The following GTF3C5 variants were observed in gnomAD, a reference collection of about 807,000 sequenced individuals.
GTF3C5 encodes the protein general transcription factor 3C polypeptide 5.
GTF3C5 carries 47 observed loss-of-function variants against 61.0 expected under a neutral mutation model. That is an observed-to-expected ratio of 0.77 (90% CI 0.61 to 0.98). GTF3C5 has a LOEUF of 0.98. GTF3C5 is among the 50% of genes least tolerant of loss of function. The pLI, the probability that GTF3C5 is intolerant of heterozygous loss-of-function variation, is 0.00. For synonymous variants in GTF3C5, 295 were observed against 275.4 expected (o/e 1.07, Z -0.71); for missense variants, 659 against 703.3 (o/e 0.94, Z 0.71).
At chr9:133,057,494 G>T (rs544741373) in intron 10 of GTF3C5, among the ~76,000 whole-genome samples, 1 of 152,324 alleles carries the variant, frequency 6.6e-6, no homozygotes, top group South Asian at 2.1e-4. Context: ...TCTTGGTCTT[G>T]CTTGGAACCC....
intron 10 of GTF3C5, 67 bp from the exon 11 acceptor site, chr9:133,057,747 G>C: frequency 6.9e-7 from 1 of 1,455,670 alleles, no homozygotes; most frequent in Non-Finnish European, 9.2e-7. Context: ...CCAGAGCCTG[G>C]TGGCCTTTCT....
At chr9:133,051,980 C>T (rs1850394600) in intron 4 of GTF3C5, 80 bp from the exon 5 acceptor site, 1 of 723,500 alleles carries the variant, frequency 1.4e-6, no homozygotes, top group Non-Finnish European at 2.3e-6. Context: ...GCCGCTGGGG[C>T]CCAGAACATG....
At chr9:133,033,563 A>G (rs909839235) in intron 1 of GTF3C5, among the ~76,000 whole-genome samples, 1 of 152,186 alleles carries the variant, frequency 6.6e-6, no homozygotes, top group African/African-American at 2.4e-5. Context: ...CAGAAGCTGG[A>G]TAGCCCTCAG....
chr9:133,033,581 C>A (rs1256056675), intron 1 of GTF3C5, among the ~76,000 whole-genome samples: 1 of 152,122 alleles, frequency 6.6e-6, no homozygotes, highest in East Asian at 1.9e-4. Context: ...CAGGGGCTGA[C>A]CCGCAGGGTG....
In GTF3C5 at chr9:133,056,782, C is replaced by T. The variant is rs1458349932; in HGVS notation, c.1267C>T (p.His423Tyr). The T allele has an allele frequency of 6.2e-7, 1 of 1,605,882 alleles. No individual in the cohort carries two copies. The highest frequency in any genetic ancestry group is 1.1e-5 in the South Asian group (1 of 89,910). The change falls in exon 10 of 11, where the codon CAC (histidine) becomes TAC (tyrosine). Residue 423 changes from histidine (H) to tyrosine (Y), a missense_variant. His to Tyr is a moderately conservative substitution (Grantham distance 83). Transcript: ENST00000372097. ...CACCCCCAGGTTGCAGAAGATCATT[C>T]ACCGCAATGACGGGGCAGAGAATTC... ...LNVEELQKII[H>Y]RNDGAENSCT...
At chr9:133,043,024 G>A (rs1191579221) in intron 2 of GTF3C5, among the ~76,000 whole-genome samples, 1 of 152,244 alleles carries the variant, frequency 6.6e-6, no homozygotes, top group Non-Finnish European at 1.5e-5. Flanking sequence ...ACAAGGCTTA[G>A]AGATGGCTAA....
chr9:133,052,251 A>G (rs567631689), intron 5 of GTF3C5, 87 bp downstream of exon 5: 1 of 702,284 alleles, frequency 1.4e-6, no homozygotes, highest in East Asian at 2.8e-5. Context: ...CCACAGTAAG[A>G]GCAGCCAACC....
chr9:133,044,033 T>C (rs1299582748), intron 3 of GTF3C5, 107 bp downstream of exon 3: 2 of 784,292 alleles, frequency 2.6e-6, no homozygotes, highest in Non-Finnish European at 4.1e-6. Context: ...TAATTCCAGC[T>C]ACTCGGGAGG....
intron 1 of GTF3C5, 24 bp downstream of exon 1, chr9:133,031,188 T>C (rs1849721340): frequency 6.5e-7 from 1 of 1,536,934 alleles, no homozygotes; most frequent in Non-Finnish European, 8.8e-7. Context: ...AATCTCGGTG[T>C]TGGAATAAGA....
intron 1 of GTF3C5, among the ~76,000 whole-genome samples, chr9:133,035,503 C>T (rs992371767): frequency 2.6e-5 from 4 of 152,188 alleles, no homozygotes; most frequent in African/African-American, 9.7e-5. Context: ...TTGGGGTCCC[C>T]AGTGAATTCC....
At chr9:133,048,459 C>T (rs913045039) in intron 3 of GTF3C5, among the ~76,000 whole-genome samples, 13 of 151,724 alleles carry the variant, frequency 8.6e-5, no homozygotes, top group Admixed American at 3.3e-4. Context: ...ATCGCGCCAC[C>T]GCACTCCAGC....
intron 3 of GTF3C5, among the ~76,000 whole-genome samples, chr9:133,046,399 G>C (rs1364797118): frequency 6.6e-6 from 1 of 152,154 alleles, no homozygotes; most frequent in African/African-American, 2.4e-5. Context: ...ATGCCCAGGT[G>C]CCTCCCTTGC....
At position 133,058,244 on chromosome 9, in the gene GTF3C5, G is replaced by C; in HGVS notation, c.*264G>C. 1.9e-6 allele frequency: 2 copies of C among 1,029,390 alleles called. No individual in the cohort carries two copies. The highest frequency in any genetic ancestry group is 2.5e-6 in the Non-Finnish European group (2 of 800,282). The allele number at this position is 1,029,390 out of a possible 1,614,324, so 63.8% of individuals were successfully genotyped here. A position where few individuals can be genotyped will look rare whatever the true frequency, so the allele number is the denominator to read the frequency against. ...CACCCATGAACCAGCCCAGCATCCA[G>C]CCAGTGAGTGGGCACCCAATGCCTC... On this transcript the variant is annotated 3_prime_UTR_variant, in exon 11 of 11. Coordinates refer to ENST00000372097, the MANE Select transcript of GTF3C5 (RefSeq NM_012087.4).
At chr9:133,034,090 C>T (rs889430234) in intron 1 of GTF3C5, among the ~76,000 whole-genome samples, 1 of 152,174 alleles carries the variant, frequency 6.6e-6, no homozygotes, top group African/African-American at 2.4e-5. Context: ...ACAGAGGGTT[C>T]TTGGGCCATT....
chr9:133,034,401 A>G (rs1489095717), intron 1 of GTF3C5, among the ~76,000 whole-genome samples: 7 of 152,190 alleles, frequency 4.6e-5, no homozygotes, highest in African/African-American at 1.7e-4. Flanking sequence ...GGTAAGAACA[A>G]GTGTCGAACT....
rs1430857768 is a variant in GTF3C5 at position 133,058,122 on chromosome 9, T to G, written c.*142T>G. 6.7e-6 allele frequency: 10 copies of G among 1,495,182 alleles called. No individual in the cohort carries two copies. Among genetic ancestry groups the G allele is most frequent in the Non-Finnish European group, 8.0e-6 (9 of 1,126,146 alleles). 92.6% of individuals were successfully genotyped at this position (1,495,182 alleles called of 1,614,324 possible). A position where few individuals can be genotyped will look rare whatever the true frequency, so the allele number is the denominator to read the frequency against. On this transcript the variant is annotated 3_prime_UTR_variant, in exon 11 of 11. Coordinates refer to ENST00000372097, the MANE Select transcript of GTF3C5 (RefSeq NM_012087.4). ...GGAGAGCTAGAGTCCCAGCAAAGGGTGCAGCTGACCCTAGCACTGGCTGTG... is the reference window on the plus strand; with the variant it reads ...GGAGAGCTAGAGTCCCAGCAAAGGGGGCAGCTGACCCTAGCACTGGCTGTG...
chr9:133,042,049 G>A, intron 1 of GTF3C5, 38 bp from the exon 2 acceptor site: 1 of 1,473,570 alleles, frequency 6.8e-7, no homozygotes, highest in South Asian at 1.1e-5. Context: ...TGCTTGGCTT[G>A]TCATTGCTTC....
At chr9:133,053,622 C>T (rs1430434700) in intron 5 of GTF3C5, among the ~76,000 whole-genome samples, 1 of 152,198 alleles carries the variant, frequency 6.6e-6, no homozygotes, top group Admixed American at 6.5e-5. Flanking sequence ...TGCTCCTTTT[C>T]CCTCCATCTG....
rs1215864481 is a variant in GTF3C5, at chr9:133,031,183, C to T, written c.153+19C>T. ...CTCCCGGGTAAGGGGCTGGGAATCT[C>T]GGTGTTGGAATAAGAGCTCGGAGTC... On this transcript the variant is annotated intron_variant, in intron 1 of 10. Coordinates refer to ENST00000372097, the MANE Select transcript of GTF3C5 (RefSeq NM_012087.4). 1.9e-6 allele frequency: 3 copies of T among 1,547,802 alleles called. No homozygotes were observed. Among genetic ancestry groups the T allele is most frequent in the South Asian group, 1.2e-5 (1 of 84,844 alleles).
Sources: gnomAD v4.1 joint callset for allele counts (sites outside exome capture counted in the v4.1 genomes callset) on GRCh38, gnomAD v4.1.1 for gene constraint, MANE v1.5 for transcripts, NCBI Gene and HGNC (gene_info 2026-07-23, HGNC 2026-07-21) for gene names.